The following ILK variants were observed in gnomAD, a reference collection of about 807,000 sequenced individuals.
The protein encoded by ILK is scaffold protein ILK.
A neutral mutation model predicts 57.8 loss-of-function variants in ILK; 37 were observed. That is an observed-to-expected ratio of 0.64 (90% confidence interval 0.49 to 0.84). The LOEUF (loss-of-function observed/expected upper bound fraction) is 0.84. Among genes scored for constraint, ILK ranks in the 40% least tolerant of loss-of-function variants. The pLI, the probability that ILK is intolerant of heterozygous loss-of-function variation, is 0.00. For synonymous variants in ILK, 231 were observed against 202.2 expected (o/e 1.14, Z -1.21); for missense variants, 528 against 595.7 (o/e 0.89, Z 1.18).
rs147574322 is a variant in ILK, at chr11:6,605,731, A to G, written c.89+1371A>G. Among the ~76,000 whole-genome samples the G allele has an allele frequency of 1.6e-3, 243 of 152,280 alleles. 2 individuals carry two copies. The highest frequency in any genetic ancestry group is 5.4e-3 in the African/African-American group (223 of 41,530). ...GTGTGCAGTTAGGATGTATTTGACC[A>G]TCTGTGAGTGTTGTTTCAGAATAAT... On this transcript the variant is annotated intron_variant, in intron 2 of 12. Transcript: ENST00000299421.
In ILK at chr11:6,608,365, T is replaced by A. The variant is rs753995645; in HGVS notation, c.256-29T>A. The A allele has an allele frequency of 3.1e-6, 5 of 1,606,446 alleles. No homozygotes were observed. In the Admixed American group the frequency reaches 8.3e-5, roughly 27 times the overall value. ...TTTGGAACTGACTGTACTTTCTGCCTCTTCTTTTTGTCTGGCCATGGGGTC... is the reference window on the plus strand; with the variant it reads ...TTTGGAACTGACTGTACTTTCTGCCACTTCTTTTTGTCTGGCCATGGGGTC... On this transcript the variant is annotated intron_variant, in intron 3 of 12. Coordinates refer to ENST00000299421, the MANE Select transcript of ILK (RefSeq NM_004517.4). This position sits in a 1 kb window ranked among gnomAD's most constrained non-coding sequence, Gnocchi z 4.9.
chr11:6,609,670 G>C, intron 9 of ILK, 31 bp downstream of exon 9: 3 of 1,614,200 alleles, frequency 1.9e-6, no homozygotes, highest in Non-Finnish European at 2.5e-6. Context: ...TCCTTGGGGA[G>C]GAAATGGCAG....
Position 6,608,034 on chromosome 11 carries a change from C to A in ILK, c.90-12C>A. 6.2e-7 allele frequency: 1 copy of A among 1,613,690 alleles called. No individual in the cohort carries two copies. Among genetic ancestry groups the A allele is most frequent in the Non-Finnish European group, 8.5e-7 (1 of 1,179,930 alleles). ...CACCTCCAGCTCAATGACCATTGCC[C>A]CTTCCTCAAAGGGACGATCATGGCT... On this transcript the variant is annotated splice_polypyrimidine_tract_variant and intron_variant, in intron 2 of 12. Transcript: ENST00000299421. This position sits in a 1 kb window ranked among gnomAD's most constrained non-coding sequence, Gnocchi z 4.9.
At chr11:6,609,256 G>A in intron 7 of ILK, 43 bp from the exon 8 acceptor site, 4 of 1,603,744 alleles carry the variant, frequency 2.5e-6, no homozygotes, top group Non-Finnish European at 3.4e-6. Context: ...GCAAGGAAGT[G>A]GCAGCAACAT....
intron 12 of ILK, 24 bp from the exon 13 acceptor site, chr11:6,610,438 C>G (rs1007786047): frequency 1.5e-5 from 25 of 1,614,170 alleles, no homozygotes; most frequent in Non-Finnish European, 2.1e-5. Context: ...AATTGTGAGG[C>G]TGCTTTTTTT....
intron 2 of ILK, chr11:6,604,671 G>A (rs1322060162): frequency 7.8e-6 from 4 of 511,782 alleles, no homozygotes; most frequent in Non-Finnish European, 1.4e-5. Context: ...ATGGCTGGAG[G>A]ATAGATGATC....
rs1253847617 is a variant in ILK at position 6,608,348 on chromosome 11, T to G, written c.256-46T>G. The G allele has an allele frequency of 1.6e-5, 25 of 1,591,016 alleles. No individual in the cohort carries two copies. The highest frequency in any genetic ancestry group is 2.1e-5 in the Non-Finnish European group (24 of 1,159,074). ...CTGACACCAGTATCTCATTTGGAACTGACTGTACTTTCTGCCTCTTCTTTT... is the reference window on the plus strand; with the variant it reads ...CTGACACCAGTATCTCATTTGGAACGGACTGTACTTTCTGCCTCTTCTTTT... On this transcript the variant is annotated intron_variant, in intron 3 of 12. Coordinates refer to ENST00000299421, the MANE Select transcript of ILK (RefSeq NM_004517.4). This position sits in a 1 kb window ranked among gnomAD's most constrained non-coding sequence, Gnocchi z 4.9.
Position 6,610,138 on chromosome 11 carries a change from A to C in ILK, c.1079-10A>C, listed in dbSNP as rs769283883. 9.4e-5 allele frequency: 151 copies of C among 1,614,098 alleles called. No homozygotes were observed. The highest frequency in any genetic ancestry group is 1.3e-4 in the East Asian group (6 of 44,902). On this transcript the variant is annotated splice_polypyrimidine_tract_variant and intron_variant, in intron 11 of 12. Coordinates refer to ENST00000299421, the MANE Select transcript of ILK (RefSeq NM_004517.4). ...AAGGGGGCCAGAACAGACAAGCCCT[A>C]TCTCTCCAGCTCTGCAGAAGAAGCC...
At chr11:6,607,988 A>G (rs774987378) in intron 2 of ILK, 58 bp from the exon 3 acceptor site, 145 of 1,571,654 alleles carry the variant, frequency 9.2e-5, no homozygotes, top group Middle Eastern at 6.5e-4. Flanking sequence ...TTTTTCAGGA[A>G]TCAAAACCTT....
Position 6,609,086 on chromosome 11 carries a change from A to G in ILK, c.548A>G (p.Asn183Ser). 2 of 1,614,172 alleles carry G rather than the reference A, an allele frequency of 1.2e-6. No individual in the cohort carries two copies. The highest frequency in any genetic ancestry group is 1.7e-6 in the Non-Finnish European group (2 of 1,180,022). Residue 183 changes from asparagine to serine, a missense_variant, in exon 7 of 13, where the codon AAC becomes AGC. Asn to Ser is a conservative substitution (Grantham distance 46). Transcript: ENST00000299421. ...ACACTCTTAGGAAATGGAACCCTGA[A>G]CAAACACTCTGGCATTGACTTCAAA... ...TRTRPRNGTLNKHSGIDFKQL... is the reference protein window; with the variant it reads ...TRTRPRNGTLSKHSGIDFKQL...
At position 6,610,802 on chromosome 11, in the gene ILK, T is replaced by A. The variant is rs1199061187; in HGVS notation, c.*191T>A. 2.2e-6 allele frequency: 3 copies of A among 1,377,030 alleles called. No homozygotes were observed. Among genetic ancestry groups the A allele is most frequent in the Non-Finnish European group, 3.1e-6 (3 of 977,186 alleles). 85.3% of individuals were successfully genotyped at this position (1,377,030 alleles called of 1,614,324 possible). ...AGGGGCGGGCTCAGAGCTTTGTCACTTGCCACATGGTGTCTCCCAACATGG... is the reference window on the plus strand; with the variant it reads ...AGGGGCGGGCTCAGAGCTTTGTCACATGCCACATGGTGTCTCCCAACATGG... On this transcript the variant is annotated 3_prime_UTR_variant, in exon 13 of 13. Transcript: ENST00000299421.
Position 6,609,574 on chromosome 11 carries a change from A to T in ILK, c.791A>T (p.His264Leu), listed in dbSNP as rs1855292500. 1 of 1,613,956 alleles carries T rather than the reference A, an allele frequency of 6.2e-7. No homozygotes were observed. Among genetic ancestry groups the T allele is most frequent in the Admixed American group, 1.7e-5 (1 of 59,986 alleles). ...LGACQSPPAP[H>L]PTLITHWMPY... The stretch of plus-strand genomic sequence containing the variant: ...GCCTGCCAGTCTCCACCTGCTCCTC[A>T]TCCTACTCTCATCACACACTGGATG... Residue 264 changes from histidine to leucine, a missense_variant, in exon 9 of 13, where the codon CAT becomes CTT. His to Leu is a moderately conservative substitution (Grantham distance 99). Transcript: ENST00000299421.
In ILK at chr11:6,609,053, A is replaced by G. The variant is rs779295855; in HGVS notation, c.533-18A>G. On this transcript the variant is annotated intron_variant, in intron 6 of 12. Transcript: ENST00000299421. ...GGGTTAGGGTGAAGCTGGGTACCTG[A>G]CCTGCCCACACTCTTAGGAAATGGA... The G allele has an allele frequency of 1.9e-6, 3 of 1,613,026 alleles. No homozygotes were observed. The highest frequency in any genetic ancestry group is 2.5e-6 in the Non-Finnish European group (3 of 1,179,040).
intron 8 of ILK, 43 bp downstream of exon 8, chr11:6,609,451 C>T (rs778268421): frequency 2.7e-5 from 43 of 1,613,694 alleles, no homozygotes; most frequent in Non-Finnish European, 1.3e-5. Context: ...TCCAAGGAAC[C>T]CTGAATAGCA....
At chr11:6,604,590 T>G (rs572919865) in intron 2 of ILK, 1 of 616,982 alleles carries the variant, frequency 1.6e-6, no homozygotes, top group South Asian at 1.8e-5. Context: ...CCAGCCTCAG[T>G]AGACTGCATG....
chr11:6,609,365 A>G lies in ILK; in HGVS notation c.685A>G (p.Thr229Ala), dbSNP rs955720414. The G allele has an allele frequency of 3.7e-6, 6 of 1,614,166 alleles. No homozygotes were observed. The highest frequency in any genetic ancestry group is 5.1e-6 in the Non-Finnish European group (6 of 1,180,036). The change falls in exon 8 of 13, where the codon ACA becomes GCA. Residue 229 changes from threonine (T) to alanine (A), a missense_variant. By Grantham distance (58) the Thr-to-Ala change is moderately conservative. Coordinates refer to ENST00000299421, the MANE Select transcript of ILK (RefSeq NM_004517.4). Reference protein sequence around the residue: ...VKVLKVRDWSTRKSRDFNEEC... With the variant: ...VKVLKVRDWSARKSRDFNEEC... The stretch of plus-strand genomic sequence containing the variant: ...GGTGCTGAAGGTTCGAGACTGGAGT[A>G]CAAGGAAGAGCAGGGACTTCAATGA...
chr11:6,609,238 G>A, intron 7 of ILK, 61 bp from the exon 8 acceptor site: 7 of 1,603,188 alleles, frequency 4.4e-6, no homozygotes, highest in African/African-American at 2.7e-5. Flanking sequence ...TTTTCCTCCA[G>A]TTAGTGGGCA....
Position 6,608,922 on chromosome 11 carries a change from C to G in ILK, c.487C>G (p.Pro163Ala). 1 of 1,614,208 alleles carries G rather than the reference C, an allele frequency of 6.2e-7. No homozygotes were observed. Among genetic ancestry groups the G allele is most frequent in the East Asian group, 2.2e-5 (1 of 44,888 alleles). ...EKMGQNLNRI[P>A]YKDTFWKGTT... is the part of the protein sequence containing the mutation. ...GATGGGCCAGAATCTCAACCGTATT[C>G]CATACAAGGACACATTCTGGAAGGG... Residue 163 changes from proline to alanine, a missense_variant, in exon 6 of 13, where the codon CCA (proline) becomes GCA (alanine). By Grantham distance (27) the Pro-to-Ala change is conservative. Coordinates refer to ENST00000299421, the MANE Select transcript of ILK (RefSeq NM_004517.4). The surrounding 1 kb of genome is among the most constrained non-coding windows in gnomAD (Gnocchi z 4.9).
At position 6,609,834 on chromosome 11, in the gene ILK, C is replaced by T. The variant is rs1455327884; in HGVS notation, c.967C>T (p.Arg323Cys). 5 of 1,614,188 alleles carry T rather than the reference C, an allele frequency of 3.1e-6. No individual in the cohort carries two copies. The highest frequency in any genetic ancestry group is 2.2e-5 in the East Asian group (1 of 44,884). ...CATCCCACGACATGCACTCAATAGC[C>T]GTAGTGTAATGGTGAGGCCACAAGC... The part of the protein sequence containing the change: ...PLIPRHALNS[R>C]SVMIDEDMTA... The change falls in exon 10 of 13, where the codon CGT becomes TGT. Residue 323 changes from arginine (R) to cysteine (C), a missense_variant. Coordinates refer to ENST00000299421, the MANE Select transcript of ILK (RefSeq NM_004517.4).
Sources: allele counts gnomAD v4.1 joint callset (sites outside exome capture counted in the v4.1 genomes callset), GRCh38; gene constraint gnomAD v4.1.1; non-coding constraint Gnocchi (gnomAD v3.1); transcripts MANE v1.5; gene names NCBI Gene and HGNC (gene_info 2026-07-23, HGNC 2026-07-21).